Variants in CLHC1 observed in about 807,000 individuals in gnomAD.
The protein encoded by CLHC1 is clathrin heavy chain linker domain-containing protein 1.
A neutral mutation model predicts 69.5 loss-of-function variants in CLHC1; 72 were observed. The observed-to-expected ratio is 1.04, with a 90% CI of 0.86 to 1.26. The LOEUF (loss-of-function observed/expected upper bound fraction) is 1.26. Among genes scored for constraint, CLHC1 ranks in the 50% most tolerant of loss-of-function variants. CLHC1 has a pLI of 0.00. For synonymous variants in CLHC1, 223 were observed against 224.3 expected (o/e 0.99, Z 0.05); for missense variants, 790 against 679.3 (o/e 1.16, Z -1.81).
At chr2:55,185,279 G>A (rs1233085029) in intron 9 of CLHC1, among the ~76,000 whole-genome samples, 3 of 152,024 alleles carry the variant, frequency 2.0e-5, no homozygotes, top group Non-Finnish European at 2.9e-5. Flanking sequence ...TGCCAGCACC[G>A]GGAACCTCTG....
Position 55,172,632 on chromosome 2 carries a change from T to A in CLHC1, c.*3158A>T, listed in dbSNP as rs1160334332. ...CTGACAGCTTTATACACCGAACATT[T>A]GTTAAATGCCATTTTTTTCTGAGAA... On this transcript the variant is annotated 3_prime_UTR_variant, in exon 13 of 13. Transcript: ENST00000401408. Among the ~76,000 whole-genome samples, 7 of 151,842 alleles carry A rather than the reference T, an allele frequency of 4.6e-5. No homozygotes were observed. Among genetic ancestry groups the A allele is most frequent in the African/African-American group, 1.7e-4 (7 of 41,398 alleles).
In CLHC1 at chr2:55,222,429, C is replaced by A; in HGVS notation, c.-18G>T. The A allele has an allele frequency of 1.9e-6, 3 of 1,606,220 alleles. No individual in the cohort carries two copies. The Admixed American group carries it at 5.1e-5, about 27-fold the overall frequency. ...ACTGACATATTTGACAATCTGCACA[C>A]TTGTTCACTGAAGAACAGCTAAATC... On this transcript the variant is annotated 5_prime_UTR_variant, in exon 3 of 13. Transcript: ENST00000401408.
intron 4 of CLHC1, among the ~76,000 whole-genome samples, chr2:55,213,660 C>G (rs539019249): frequency 6.6e-6 from 1 of 152,316 alleles, no homozygotes; most frequent in Non-Finnish European, 1.5e-5. Context: ...ATAAACTTCT[C>G]TTAAGCATTA....
intron 2 of CLHC1, chr2:55,224,485 C>T: frequency 2.6e-6 from 1 of 379,206 alleles, no homozygotes; most frequent in Non-Finnish European, 5.4e-6. Context: ...GTTTGTGCAG[C>T]AGGCTGTGTG....
chr2:55,176,736 A>G (rs1337507323), intron 12 of CLHC1, among the ~76,000 whole-genome samples: 1 of 152,192 alleles, frequency 6.6e-6, no homozygotes, highest in Admixed American at 6.5e-5. Flanking sequence ...TTATATGAAA[A>G]TATTTTAGTT....
intron 9 of CLHC1, among the ~76,000 whole-genome samples, chr2:55,202,578 G>C (rs1053740380): frequency 1.4e-5 from 2 of 146,658 alleles, no homozygotes; most frequent in Non-Finnish European, 3.0e-5. Context: ...AAAAGTAAAA[G>C]AAAAAAATCT....
intron 9 of CLHC1, among the ~76,000 whole-genome samples, chr2:55,204,074 C>A (rs532753926): frequency 6.3e-4 from 96 of 152,168 alleles, no homozygotes; most frequent in Non-Finnish European, 1.2e-3. Flanking sequence ...CACCTAAGGT[C>A]AGGAGTTAGA....
intron 9 of CLHC1, among the ~76,000 whole-genome samples, chr2:55,201,493 C>T (rs1671940778): frequency 6.6e-6 from 1 of 152,150 alleles, no homozygotes; most frequent in South Asian, 2.1e-4. Context: ...CCTGAACAGA[C>T]CAATAAGTAA....
At chr2:55,190,084 G>A (rs577985722) in intron 9 of CLHC1, among the ~76,000 whole-genome samples, 2 of 151,974 alleles carry the variant, frequency 1.3e-5, no homozygotes, top group Non-Finnish European at 2.9e-5. Context: ...TCACTCTGTG[G>A]CCCAGGCTGG....
At chr2:55,188,272 T>C (rs972093327) in intron 9 of CLHC1, among the ~76,000 whole-genome samples, 6 of 152,030 alleles carry the variant, frequency 3.9e-5, no homozygotes, top group Admixed American at 1.3e-4. Context: ...GCCATGTTTG[T>C]ACCACTGCAC....
chr2:55,184,520 C>G (rs577684026), intron 9 of CLHC1, among the ~76,000 whole-genome samples: 1 of 152,120 alleles, frequency 6.6e-6, no homozygotes, highest in Non-Finnish European at 1.5e-5. Context: ...TATTGTGCCT[C>G]CTATCCAACA....
At chr2:55,199,387 G>T (rs954895741) in intron 9 of CLHC1, among the ~76,000 whole-genome samples, 1 of 151,056 alleles carries the variant, frequency 6.6e-6, no homozygotes, top group South Asian at 2.1e-4. Context: ...GAAATTAAAG[G>T]TACAAAACTC....
At chr2:55,204,333 T>C (rs757930883) in intron 9 of CLHC1, among the ~76,000 whole-genome samples, 1 of 152,108 alleles carries the variant, frequency 6.6e-6, no homozygotes, top group Non-Finnish European at 1.5e-5. Flanking sequence ...AAAGAAGACA[T>C]ACAAATGGCA....
At chr2:55,182,718 C>A (rs528533475) in intron 9 of CLHC1, among the ~76,000 whole-genome samples, 2 of 152,238 alleles carry the variant, frequency 1.3e-5, no homozygotes, top group East Asian at 3.9e-4. Flanking sequence ...AATTAAAGTA[C>A]GAGCAAATTC....
At chr2:55,218,196 T>A in intron 3 of CLHC1, 198 bp from the exon 4 acceptor site, 1 of 378,884 alleles carries the variant, frequency 2.6e-6, no homozygotes, top group East Asian at 3.9e-5. Flanking sequence ...TGTGGAACAT[T>A]ACAGTAGATA....
intron 9 of CLHC1, among the ~76,000 whole-genome samples, chr2:55,188,119 G>A (rs947325136): frequency 6.6e-6 from 1 of 152,086 alleles, no homozygotes; most frequent in Non-Finnish European, 1.5e-5. Flanking sequence ...TTTGAGACCA[G>A]CCTGGGCAAC....
At position 55,209,746 on chromosome 2, in the gene CLHC1, T is replaced by G; in HGVS notation, c.585A>C (p.Gln195His). 1 of 1,612,214 alleles carries G rather than the reference T, an allele frequency of 6.2e-7. No homozygotes were observed. The highest frequency in any genetic ancestry group is 8.5e-7 in the Non-Finnish European group (1 of 1,178,450). ...HLEDKYAEIK[Q>H]AMLIKYVPAQ... is the part of the protein sequence containing the mutation. The stretch of plus-strand genomic sequence containing the variant: ...CTGGCACATATTTTATCAACATAGC[T>G]TGTTTAATTTCTGCATATTTATCTT... The change falls in exon 6 of 13, where the codon CAA becomes CAC. Residue 195 changes from glutamine (Q) to histidine (H), a missense_variant. Transcript: ENST00000401408.
Position 55,175,711 on chromosome 2 carries a change from A to T in CLHC1, c.*79T>A. 1 of 853,870 alleles carries T rather than the reference A, an allele frequency of 1.2e-6. No homozygotes were observed. Among genetic ancestry groups the T allele is most frequent in the Non-Finnish European group, 1.8e-6 (1 of 542,788 alleles). 52.9% of individuals were successfully genotyped at this position (853,870 alleles called of 1,614,324 possible). ...CTTACTCTAGATTTATTTATAAGTT[A>T]GTTACGTTAAAATCAGTTTTTCCCA... On this transcript the variant is annotated 3_prime_UTR_variant, in exon 13 of 13. Coordinates refer to ENST00000401408, the MANE Select transcript of CLHC1 (RefSeq NM_152385.4).
chr2:55,182,541 C>A (rs772179919), intron 9 of CLHC1, among the ~76,000 whole-genome samples: 3 of 152,120 alleles, frequency 2.0e-5, no homozygotes, highest in Admixed American at 6.5e-5. Context: ...AATTTACCAC[C>A]ATATCTTATT....
Sources: gnomAD v4.1 joint callset for allele counts (sites outside exome capture counted in the v4.1 genomes callset) on GRCh38, gnomAD v4.1.1 for gene constraint, MANE v1.5 for transcripts, NCBI Gene and HGNC (gene_info 2026-07-23, HGNC 2026-07-21) for gene names.